The following CTNNA2 variants were observed in gnomAD, a reference collection of about 807,000 sequenced individuals.
CTNNA2 encodes the protein catenin alpha-2.
CTNNA2 carries 42 observed loss-of-function variants against 101.0 expected under a neutral mutation model. The observed-to-expected ratio is 0.42, with a 90% CI of 0.32 to 0.54. The LOEUF (loss-of-function observed/expected upper bound fraction) is 0.54. CTNNA2 is among the 20% of genes least tolerant of loss of function. The pLI, the probability that CTNNA2 is intolerant of heterozygous loss-of-function variation, is 0.14. For synonymous variants in CTNNA2, 450 were observed against 456.4 expected, an observed-to-expected ratio of 0.99 and a Z score of 0.18; for missense variants, 871 against 1,223.1, an observed-to-expected ratio of 0.71 and a Z score of 4.29.
At chr2:80,365,890 TC>T (rs1674888892) in intron 7 of CTNNA2, among the ~76,000 whole-genome samples, 1 of 152,134 alleles carries the variant, frequency 6.6e-6, no homozygotes, top group African/African-American at 2.4e-5. Context: ...AGTGCATTTT[TC>T]CCCCTGTGGT....
rs563126062 is a variant in CTNNA2, at chr2:80,529,811, C to T, written c.1291-15171C>T. Among the ~76,000 whole-genome samples the T allele has an allele frequency of 1.1e-4, 17 of 152,254 alleles. No homozygotes were observed. The South Asian group carries it at 3.5e-3, about 32-fold the overall frequency. ...TAGCAGATTGAAAGGTCAGACTGGC[C>T]ATTCACCCAGACTGATTCAGCGAGG... On this transcript the variant is annotated intron_variant, in intron 9 of 18. Transcript: ENST00000402739.
intron 9 of CTNNA2, among the ~76,000 whole-genome samples, chr2:80,537,245 G>C (rs894467618): frequency 2.0e-5 from 3 of 152,164 alleles, no homozygotes; most frequent in Non-Finnish European, 4.4e-5. Context: ...TCCCTGAAAA[G>C]AACATGAACC....
At chr2:80,483,533 G>C (rs906252456) in intron 9 of CTNNA2, among the ~76,000 whole-genome samples, 1 of 152,010 alleles carries the variant, frequency 6.6e-6, no homozygotes, top group African/African-American at 2.4e-5. Flanking sequence ...GCACTGTGTT[G>C]GGCATTGAAA....
intron 2 of CTNNA2, among the ~76,000 whole-genome samples, chr2:79,659,857 C>A (rs1042033241): frequency 6.6e-6 from 1 of 152,034 alleles, no homozygotes; most frequent in South Asian, 2.1e-4. Context: ...TAAAAGTTAT[C>A]CAGGTGTGGT....
intron 1 of CTNNA2, among the ~76,000 whole-genome samples, chr2:79,515,343 A>C (rs539913418): frequency 6.6e-6 from 1 of 152,312 alleles, no homozygotes; most frequent in African/African-American, 2.4e-5. Flanking sequence ...GAGCATAATA[A>C]GTTAGTTTTG....
chr2:79,261,390 T>C (rs1480167675), intron 2 of CTNNA2, among the ~76,000 whole-genome samples: 3 of 152,208 alleles, frequency 2.0e-5, no homozygotes, highest in East Asian at 3.8e-4. Flanking sequence ...TAGTAATAGC[T>C]GGAGTGGGAA....
At chr2:80,508,189 G>A (rs2149546122) in intron 9 of CTNNA2, among the ~76,000 whole-genome samples, 1 of 152,242 alleles carries the variant, frequency 6.6e-6, no homozygotes, top group South Asian at 2.1e-4. Flanking sequence ...AAGTGGGGCT[G>A]GACACAGTGG....
chr2:79,422,978 G>T (rs1044858481), intron 4 of CTNNA2, among the ~76,000 whole-genome samples: 1 of 152,154 alleles, frequency 6.6e-6, no homozygotes, highest in South Asian at 2.1e-4. Flanking sequence ...TAGTATTGTA[G>T]AAGATTAAAG....
intron 7 of CTNNA2, among the ~76,000 whole-genome samples, chr2:80,235,225 A>T (rs1464874026): frequency 4.6e-5 from 7 of 152,314 alleles, no homozygotes; most frequent in Middle Eastern, 3.4e-3. Flanking sequence ...ACATAGAGTT[A>T]AGCTTAACAC....
At chr2:80,446,147 G>A (rs537838586) in intron 9 of CTNNA2, among the ~76,000 whole-genome samples, 1 of 152,288 alleles carries the variant, frequency 6.6e-6, no homozygotes, top group African/African-American at 2.4e-5. Flanking sequence ...GGGCATTCTT[G>A]ACTCTGTTAA....
At chr2:79,984,471 T>C (rs2103855264) in intron 7 of CTNNA2, among the ~76,000 whole-genome samples, 1 of 152,334 alleles carries the variant, frequency 6.6e-6, no homozygotes, top group East Asian at 1.9e-4. Context: ...CACATTTTTC[T>C]TTACAAGGCA....
chr2:80,305,002 T>A, intron 7 of CTNNA2: 3 of 923,796 alleles, frequency 3.2e-6, no homozygotes, highest in Non-Finnish European at 3.9e-6. Flanking sequence ...GAAACTGAAA[T>A]GTTCTGTGCT....
chr2:79,620,194 A>C (rs1295129574), intron 1 of CTNNA2, among the ~76,000 whole-genome samples: 1 of 152,164 alleles, frequency 6.6e-6, no homozygotes, highest in Admixed American at 6.5e-5. Flanking sequence ...TAAACTTCTG[A>C]TCACAGTTTA....
rs1033754148 is a variant in CTNNA2 at position 79,502,801 on chromosome 2, G to T, written c.-134-2253G>T. Reference sequence around the variant, plus strand: ...ATCATGAAATTCCTAAATAACAGAAGCTTAGTGAAAATGCTTAACTACCAC... The same window carrying T: ...ATCATGAAATTCCTAAATAACAGAATCTTAGTGAAAATGCTTAACTACCAC... On this transcript the variant is annotated intron_variant, in intron 4 of 21. Coordinates refer to the CTNNA2 transcript ENST00000466387. 2.0e-5 allele frequency among the ~76,000 whole-genome samples: 3 copies of T among 152,224 alleles called. No individual in the cohort carries two copies. In the East Asian group the frequency reaches 5.8e-4, roughly 29 times the overall value.
intron 2 of CTNNA2, among the ~76,000 whole-genome samples, chr2:79,265,652 C>T (rs975919919): frequency 3.9e-5 from 6 of 152,080 alleles, no homozygotes; most frequent in East Asian, 1.9e-4. Flanking sequence ...TGAACATATA[C>T]GTTTACAGAA....
At chr2:80,377,415 C>T (rs1329296373) in intron 7 of CTNNA2, among the ~76,000 whole-genome samples, 3 of 152,058 alleles carry the variant, frequency 2.0e-5, no homozygotes, top group African/African-American at 4.8e-5. Flanking sequence ...TTATTTTTAC[C>T]ATAATCTTGG....
chr2:79,540,863 T>C (rs1476478615), intron 1 of CTNNA2, among the ~76,000 whole-genome samples: 1 of 152,210 alleles, frequency 6.6e-6, no homozygotes, highest in Non-Finnish European at 1.5e-5. Context: ...TCCTACTTAC[T>C]GTAAGTTTGA....
intron 2 of CTNNA2, among the ~76,000 whole-genome samples, chr2:79,738,527 A>C (rs755462966): frequency 2.0e-5 from 3 of 152,176 alleles, no homozygotes; most frequent in African/African-American, 4.8e-5. Context: ...GGATAGAGAT[A>C]AAGATGGGTA....
At chr2:79,320,700 T>G (rs1349992052) in intron 3 of CTNNA2, among the ~76,000 whole-genome samples, 2 of 152,070 alleles carry the variant, frequency 1.3e-5, no homozygotes, top group Non-Finnish European at 1.5e-5. Context: ...GCAGAGGAAC[T>G]GTGAGCATGG....
Sources: allele counts gnomAD v4.1 joint callset (sites outside exome capture counted in the v4.1 genomes callset), GRCh38; gene constraint gnomAD v4.1.1; transcripts MANE v1.5; gene names NCBI Gene and HGNC (gene_info 2026-07-23, HGNC 2026-07-21).